The following PCDHGA8 variants were observed in gnomAD, a reference collection of about 807,000 sequenced individuals.
PCDHGA8 encodes the protein protocadherin gamma-A8.
In PCDHGA8, 45 loss-of-function variants were observed where a neutral mutation model predicts 59.2. The ratio of observed to expected loss-of-function variants is 0.76; its 90% confidence interval spans 0.60 to 0.98. PCDHGA8 has a LOEUF of 0.98. Ranked by LOEUF, PCDHGA8 falls within the 50% of genes least tolerant of loss-of-function variation. The pLI is 0.00. For missense variants in PCDHGA8, 1,257 were observed against 1,196.2 expected (o/e 1.05, Z -0.75); for synonymous variants, 531 against 519.0 (o/e 1.02, Z -0.32).
chr5:141,490,476 G>A lies in PCDHGA8; in HGVS notation c.2425-4331G>A. 1 of 1,614,208 alleles carries A rather than the reference G, an allele frequency of 6.2e-7. No homozygotes were observed. The highest frequency in any genetic ancestry group is 8.5e-7 in the Non-Finnish European group (1 of 1,180,046). On this transcript the variant is annotated intron_variant, in intron 1 of 3. Transcript: ENST00000398604. The surrounding 1 kb of genome is among the most constrained non-coding windows in gnomAD (Gnocchi z 5.4). ...ACTCGCTGCTAACCAGCCAGCCTTT[G>A]GACCGGGAGGCCACATCCCACTATA...
rs756966401 is a variant in PCDHGA8, at chr5:141,393,451, C to T, written c.638C>T (p.Thr213Met). The T allele has an allele frequency of 5.0e-6, 8 of 1,614,058 alleles. No homozygotes were observed. In the South Asian group the frequency reaches 6.6e-5, roughly 13 times the overall value. The change falls in exon 1 of 4, where the codon ACG becomes ATG. Residue 213 changes from threonine (T) to methionine (M), a missense_variant. Physicochemically the swap from Thr to Met is moderately conservative, Grantham distance 81. Transcript: ENST00000398604. ...EEEAAHHLVL[T>M]ASDGGKPPRS... The stretch of plus-strand genomic sequence containing the variant: ...GAGGCTGCTCACCACCTGGTCCTCA[C>T]GGCCTCGGATGGCGGCAAGCCGCCT...
chr5:141,491,837 G>A lies in PCDHGA8; in HGVS notation c.2425-2970G>A, dbSNP rs1404051857. The A allele has an allele frequency of 1.4e-6, 2 of 1,472,862 alleles. No individual in the cohort carries two copies. The highest frequency in any genetic ancestry group is 1.8e-6 in the Non-Finnish European group (2 of 1,111,878). The allele number at this position is 1,472,862 out of a possible 1,614,324, so 91.2% of individuals were successfully genotyped here. A position where few individuals can be genotyped will look rare whatever the true frequency, so the allele number is the denominator to read the frequency against. ...TGGCTGCGCTCCACCCGATTCTCGG[G>A]ATCATTGGACCGTTTGCGCGAAACC... On this transcript the variant is annotated intron_variant, in intron 1 of 3. Transcript: ENST00000398604. The surrounding 1 kb of genome is among the most constrained non-coding windows in gnomAD (Gnocchi z 6.9).
intron 1 of PCDHGA8, among the ~76,000 whole-genome samples, chr5:141,457,620 A>G (rs2098925834): frequency 6.6e-6 from 1 of 152,234 alleles, no homozygotes; most frequent in Admixed American, 6.5e-5. Flanking sequence ...ATGAACTTTA[A>G]TCTTATACTT....
chr5:141,458,464 G>A (rs1035826436), intron 1 of PCDHGA8, among the ~76,000 whole-genome samples: 30 of 152,030 alleles, frequency 2.0e-4, no homozygotes, highest in Admixed American at 9.8e-4. Flanking sequence ...TTAAAATACC[G>A]TACAACTGCA....
In PCDHGA8 at chr5:141,491,634, C is replaced by T; in HGVS notation, c.2425-3173C>T. On this transcript the variant is annotated intron_variant, in intron 1 of 3. Coordinates refer to ENST00000398604, the MANE Select transcript of PCDHGA8 (RefSeq NM_032088.2). This position sits in a 1 kb window ranked among gnomAD's most constrained non-coding sequence, Gnocchi z 6.9. ...TAAGACCCCTCAGCGTTCAGCAGCC[C>T]ACAGCTCTGGCGCTGGAGCCTGACG... 1 of 1,613,892 alleles carries T rather than the reference C, an allele frequency of 6.2e-7. No individual in the cohort carries two copies. Among genetic ancestry groups the T allele is most frequent in the South Asian group, 1.1e-5 (1 of 91,084 alleles).
At chr5:141,422,696 ACT>A in intron 1 of PCDHGA8, 1 of 1,602,756 alleles carries the variant, frequency 6.2e-7, no homozygotes, top group Non-Finnish European at 8.5e-7. Flanking sequence ...CTGGTCACTT[ACT>A]CTCTGACGGA....
chr5:141,473,763 GGATTTGGT>G (rs1358359618), intron 1 of PCDHGA8, among the ~76,000 whole-genome samples: 73 of 152,322 alleles, frequency 4.8e-4, no homozygotes, highest in African/African-American at 1.7e-3. Context: ...ACTATGCAAA[GGATTTGGT>G]ATTTTAATTC....
chr5:141,478,145 T>C (rs1252008984), intron 1 of PCDHGA8: 1 of 1,614,026 alleles, frequency 6.2e-7, no homozygotes. Context: ...CCGAGCCGAG[T>C]TCCCCTCTGG....
chr5:141,421,895 G>A, intron 1 of PCDHGA8: 1 of 1,613,730 alleles, frequency 6.2e-7, no homozygotes, highest in African/African-American at 1.3e-5. Flanking sequence ...GATCCCATCC[G>A]AAAGGGCGCA....
chr5:141,417,414 A>G (rs1255289735), intron 1 of PCDHGA8: 1 of 157,986 alleles, frequency 6.3e-6, no homozygotes, highest in Non-Finnish European at 1.4e-5. Flanking sequence ...TTCAAGATAT[A>G]TGTAAATTCA....
At position 141,490,649 on chromosome 5, in the gene PCDHGA8, G is replaced by C. The variant is rs1428223995; in HGVS notation, c.2425-4158G>C. 1 of 1,614,148 alleles carries C rather than the reference G, an allele frequency of 6.2e-7. No homozygotes were observed. Among genetic ancestry groups the C allele is most frequent in the Admixed American group, 1.7e-5 (1 of 60,018 alleles). On this transcript the variant is annotated intron_variant, in intron 1 of 3. Coordinates refer to ENST00000398604, the MANE Select transcript of PCDHGA8 (RefSeq NM_032088.2). The surrounding 1 kb of genome is among the most constrained non-coding windows in gnomAD (Gnocchi z 5.4). ...TACATCCTAGAAAACCGGCCTCCGG[G>C]CTCCCTTCTTTGCACTGTGGCTGCC...
In PCDHGA8 at chr5:141,394,938, G is replaced by C; in HGVS notation, c.2125G>C (p.Ala709Pro). 6.2e-7 allele frequency: 1 copy of C among 1,613,780 alleles called. No individual in the cohort carries two copies. Among genetic ancestry groups the C allele is most frequent in the Admixed American group, 1.7e-5 (1 of 60,012 alleles). Residue 709 changes from alanine (A) to proline (P), a missense_variant, in exon 1 of 4, where the codon GCT becomes CCT. Coordinates refer to ENST00000398604, the MANE Select transcript of PCDHGA8 (RefSeq NM_032088.2). ...CTCCTGTGTCTTCCTCGCCTTTGTCGCTGTGCTTCTGGGGCTCAGGCTGAG... is the reference window on the plus strand; with the variant it reads ...CTCCTGTGTCTTCCTCGCCTTTGTCCCTGTGCTTCTGGGGCTCAGGCTGAG... ...AISCVFLAFV[A>P]VLLGLRLRRW...
intron 1 of PCDHGA8, chr5:141,399,717 C>T (rs748626326): frequency 3.1e-6 from 5 of 1,613,320 alleles, no homozygotes; most frequent in Non-Finnish European, 4.2e-6. Context: ...CACTACAGGC[C>T]CGCGACCAGG....
chr5:141,412,976 A>C (rs2095594590), intron 1 of PCDHGA8: 1 of 535,900 alleles, frequency 1.9e-6, no homozygotes. Context: ...GAGAAAACGC[A>C]GCCAGAGCTC....
chr5:141,486,401 G>T lies in PCDHGA8; in HGVS notation c.2425-8406G>T. 6.2e-7 allele frequency: 1 copy of T among 1,614,174 alleles called. No individual in the cohort carries two copies. On this transcript the variant is annotated intron_variant, in intron 1 of 3. Transcript: ENST00000398604. The surrounding 1 kb of genome is among the most constrained non-coding windows in gnomAD (Gnocchi z 5.0). ...CAGGAACCAGTTCTCCCTGGTGACT[G>T]CTGGACCCTTGGATCGAGAGGCCAA...
chr5:141,474,557 G>A (rs1261720500), intron 1 of PCDHGA8, among the ~76,000 whole-genome samples: 1 of 152,184 alleles, frequency 6.6e-6, no homozygotes, highest in African/African-American at 2.4e-5. Context: ...AAAACTGGGG[G>A]TTTTCAGAGA....
At chr5:141,475,491 C>T (rs1321482409) in intron 1 of PCDHGA8, among the ~76,000 whole-genome samples, 2 of 152,202 alleles carry the variant, frequency 1.3e-5, no homozygotes, top group African/African-American at 4.8e-5. Flanking sequence ...AGAGATAAAA[C>T]TGAAATTATT....
chr5:141,503,547 C>T (rs545918096), intron 2 of PCDHGA8, among the ~76,000 whole-genome samples: 22 of 147,734 alleles, frequency 1.5e-4, no homozygotes, highest in African/African-American at 4.8e-4. Flanking sequence ...TGCAGTGAGC[C>T]GAGATCGCGC....
chr5:141,415,977 C>A (rs1479258110), intron 1 of PCDHGA8: 2 of 354,488 alleles, frequency 5.6e-6, no homozygotes, highest in Non-Finnish European at 9.4e-6. Context: ...CCTTAAGCAA[C>A]CCTCTTGTTC....
Sources: allele counts gnomAD v4.1 joint callset (sites outside exome capture counted in the v4.1 genomes callset), GRCh38; gene constraint gnomAD v4.1.1; non-coding constraint Gnocchi (gnomAD v3.1); transcripts MANE v1.5; gene names NCBI Gene and HGNC (gene_info 2026-07-23, HGNC 2026-07-21).